The following KCNJ6 variants were observed in gnomAD, a reference collection of about 807,000 sequenced individuals.
KCNJ6 encodes potassium inwardly rectifying channel subfamily J member 6.
Under a neutral mutation model 34.2 loss-of-function variants are expected in KCNJ6, and 9 were observed. The ratio of observed to expected loss-of-function variants is 0.26; its 90% CI spans 0.16 to 0.46. The LOEUF is 0.46. KCNJ6 is among the 20% of genes least tolerant of loss of function. The pLI is 1.00. For missense variants in KCNJ6, 236 were observed against 531.3 expected, an observed-to-expected ratio of 0.44 and a Z score of 5.46; for synonymous variants, 196 against 207.1, an observed-to-expected ratio of 0.95 and a Z score of 0.46.
At chr21:37,637,559 A>AGTT (rs2054363470) in intron 3 of KCNJ6, among the ~76,000 whole-genome samples, 3 of 152,084 alleles carry the variant, frequency 2.0e-5, no homozygotes, top group Admixed American at 6.5e-5. Context: ...TGAGCCAACC[A>AGTT]TCTGGTCCCT....
chr21:37,848,416 G>A (rs2055520893), intron 1 of KCNJ6, among the ~76,000 whole-genome samples: 1 of 152,176 alleles, frequency 6.6e-6, no homozygotes, highest in South Asian at 2.1e-4. Flanking sequence ...TGTGCTCGAA[G>A]GAGGTGACAT....
At chr21:37,638,846 C>T (rs2054369030) in intron 3 of KCNJ6, among the ~76,000 whole-genome samples, 1 of 152,216 alleles carries the variant, frequency 6.6e-6, no homozygotes, top group Non-Finnish European at 1.5e-5. Context: ...GTATCTTCCT[C>T]CTCCAACAGT....
intron 3 of KCNJ6, among the ~76,000 whole-genome samples, chr21:37,690,410 A>T (rs531375284): frequency 1.4e-4 from 21 of 152,346 alleles, no homozygotes; most frequent in African/African-American, 4.8e-4. Context: ...GTCTGTTTGC[A>T]TTGAAATGAT....
chr21:37,875,337 C>T (rs965633648), intron 1 of KCNJ6, among the ~76,000 whole-genome samples: 13 of 152,206 alleles, frequency 8.5e-5, no homozygotes, highest in Non-Finnish European at 1.8e-4. Context: ...CAGTGCTTAG[C>T]GGGGAGCCTC....
chr21:37,705,500 A>G (rs140705232), intron 3 of KCNJ6, among the ~76,000 whole-genome samples: 4 of 152,376 alleles, frequency 2.6e-5, no homozygotes, highest in Admixed American at 1.3e-4. Flanking sequence ...TGAGAACAGT[A>G]TGATTCACAG....
At chr21:37,745,975 C>T (rs894179429) in intron 2 of KCNJ6, among the ~76,000 whole-genome samples, 49 of 152,158 alleles carry the variant, frequency 3.2e-4, no homozygotes, top group Admixed American at 1.8e-3. Context: ...CTCAAGGTGC[C>T]GGCCGGTTCT....
chr21:37,715,146 A>AAAAG lies in KCNJ6; in HGVS notation c.26-19_26-16dup. On this transcript the variant is annotated splice_polypyrimidine_tract_variant and intron_variant, in intron 2 of 3. Coordinates refer to ENST00000609713, the MANE Select transcript of KCNJ6 (RefSeq NM_002240.5). ...CAGGACGTTAGCTGGTGGTTTGGAG[A>AAAAG]AAAGAAAAGAAACACTGAATGAAAG... The AAAAG allele has an allele frequency of 6.3e-7, 1 of 1,595,330 alleles. No individual in the cohort carries two copies. Among genetic ancestry groups the AAAAG allele is most frequent in the Non-Finnish European group, 8.5e-7 (1 of 1,170,574 alleles).
chr21:37,733,948 G>A (rs2054899871), intron 2 of KCNJ6, among the ~76,000 whole-genome samples: 1 of 152,210 alleles, frequency 6.6e-6, no homozygotes, highest in Non-Finnish European at 1.5e-5. Flanking sequence ...GCACATGCAT[G>A]TTCTTCAAAA....
At chr21:37,726,677 T>C (rs2054856760) in intron 2 of KCNJ6, among the ~76,000 whole-genome samples, 1 of 152,254 alleles carries the variant, frequency 6.6e-6, no homozygotes, top group African/African-American at 2.4e-5. Flanking sequence ...TGTAAGTTTC[T>C]GTGGGTGTCT....
intron 2 of KCNJ6, among the ~76,000 whole-genome samples, chr21:37,718,118 C>T (rs186122789): frequency 2.3e-3 from 348 of 152,288 alleles, no homozygotes; most frequent in Non-Finnish European, 3.4e-3. Flanking sequence ...GTGATTGAGT[C>T]TTGGCCCATC....
At chr21:37,751,446 A>T (rs886762680) in intron 2 of KCNJ6, among the ~76,000 whole-genome samples, 5 of 152,208 alleles carry the variant, frequency 3.3e-5, no homozygotes, top group African/African-American at 9.6e-5. Context: ...GCTTATTGTT[A>T]TCAGTATTAT....
chr21:37,915,082 T>C (rs1485736565), intron 1 of KCNJ6, among the ~76,000 whole-genome samples: 2 of 152,204 alleles, frequency 1.3e-5, no homozygotes, highest in Admixed American at 6.5e-5. Flanking sequence ...CAGATGTACC[T>C]GTGGATCCAC....
intron 1 of KCNJ6, among the ~76,000 whole-genome samples, chr21:37,897,786 C>A (rs1352182609): frequency 6.6e-6 from 1 of 152,196 alleles, no homozygotes; most frequent in African/African-American, 2.4e-5. Context: ...ATCTCAGGGA[C>A]AGGCTTATCA....
intron 3 of KCNJ6, among the ~76,000 whole-genome samples, chr21:37,683,873 C>T (rs375884995): frequency 6.6e-6 from 1 of 152,158 alleles, no homozygotes; most frequent in African/African-American, 2.4e-5. Flanking sequence ...GCTGGCTTCT[C>T]GTCATGCCTA....
chr21:37,892,854 GTTT>G (rs778761855), intron 1 of KCNJ6, among the ~76,000 whole-genome samples: 2 of 138,384 alleles, frequency 1.4e-5, no homozygotes, highest in Non-Finnish European at 1.6e-5. Flanking sequence ...TTCTTTCATA[GTTT>G]TTTTTTTTTT....
intron 3 of KCNJ6, among the ~76,000 whole-genome samples, chr21:37,662,559 G>T (rs756671556): frequency 3.9e-4 from 59 of 152,296 alleles, no homozygotes; most frequent in Middle Eastern, 3.4e-3. Flanking sequence ...GAATAGTGCT[G>T]CAATGAACAT....
Position 37,618,027 on chromosome 21 carries a change from G to A in KCNJ6, c.*7132C>T, listed in dbSNP as rs1479382168. 1 of 152,352 alleles carries A rather than the reference G, an allele frequency of 6.6e-6. No individual in the cohort carries two copies. The highest frequency in any genetic ancestry group is 2.4e-5 in the African/African-American group (1 of 41,476). The allele number at this position is 152,352 out of a possible 1,614,324, so 9.4% of individuals were successfully genotyped here. ...GAGAAGCTCCCCTAGAGAGACCTCA[G>A]TGGGTGGGCATGGCTGAGGATTTTG... is the stretch of plus-strand genomic sequence containing the variant. On this transcript the variant is annotated 3_prime_UTR_variant, in exon 4 of 4. Coordinates refer to ENST00000609713, the MANE Select transcript of KCNJ6 (RefSeq NM_002240.5).
intron 1 of KCNJ6, among the ~76,000 whole-genome samples, chr21:37,848,414 A>C (rs2055520873): frequency 6.6e-6 from 1 of 152,190 alleles, no homozygotes. Flanking sequence ...GGTGTGCTCG[A>C]AGGAGGTGAC....
chr21:37,607,482 A>ATATATATATATATATT lies in KCNJ6; in HGVS notation c.*17676_*17677insAATATATATATATATA. The ATATATATATATATATT allele has an allele frequency of 0.012, 1,610 of 136,478 alleles. 17 individuals carry two copies. The highest frequency in any genetic ancestry group is 0.034 in the East Asian group (146 of 4,342). 8.5% of individuals were successfully genotyped at this position (136,478 alleles called of 1,614,324 possible). A position where few individuals can be genotyped will look rare whatever the true frequency, so the allele number is the denominator to read the frequency against. On this transcript the variant is annotated 3_prime_UTR_variant, in exon 4 of 4. Transcript: ENST00000609713. ...CTTAAAGATATATATATATATATAT[A>ATATATATATATATATT]TTTTTTTTTTATTTTAAAAAAATTT...
Sources: gnomAD v4.1 joint callset for allele counts (sites outside exome capture counted in the v4.1 genomes callset) on GRCh38, gnomAD v4.1.1 for gene constraint, MANE v1.5 for transcripts, NCBI Gene and HGNC (gene_info 2026-07-23, HGNC 2026-07-21) for gene names.